Variants in FHIT observed in about 807,000 individuals in gnomAD.
FHIT encodes the protein fragile histidine triad diadenosine triphosphatase.
FHIT carries 19 observed loss-of-function variants against 17.9 expected under a neutral mutation model. The ratio of observed to expected loss-of-function variants is 1.06; its 90% CI spans 0.74 to 1.56. The LOEUF is 1.56. FHIT is among the 40% of genes most tolerant of loss of function. The pLI, the probability that FHIT is intolerant of heterozygous loss-of-function variation, is 0.00. For missense variants in FHIT, 248 were observed against 189.2 expected (o/e 1.31, Z -1.82); for synonymous variants, 81 against 69.7 (o/e 1.16, Z -0.81).
intron 3 of FHIT, among the ~76,000 whole-genome samples, chr3:60,923,221 G>A (rs937004938): frequency 2.0e-5 from 3 of 152,178 alleles, no homozygotes; most frequent in African/African-American, 4.8e-5. Context: ...CTCCACAAAC[G>A]TTTAGGGAAG....
intron 5 of FHIT, among the ~76,000 whole-genome samples, chr3:60,055,084 C>T (rs1465408615): frequency 6.6e-6 from 1 of 152,054 alleles, no homozygotes; most frequent in Non-Finnish European, 1.5e-5. Context: ...AAATAAACTA[C>T]CCCCATTCCA....
chr3:60,278,966 T>C (rs1334061308), intron 5 of FHIT, among the ~76,000 whole-genome samples: 1 of 152,080 alleles, frequency 6.6e-6, no homozygotes, highest in East Asian at 1.9e-4. Context: ...TCTAAACTTC[T>C]GTTAGAAACC....
intron 4 of FHIT, among the ~76,000 whole-genome samples, chr3:60,818,509 CAT>C (rs1553738291): frequency 6.6e-6 from 1 of 152,176 alleles, no homozygotes; most frequent in Admixed American, 6.5e-5. Flanking sequence ...AGAATATACA[CAT>C]GACATATACC....
chr3:61,165,324 T>C (rs188934171), intron 2 of FHIT, among the ~76,000 whole-genome samples: 1 of 152,322 alleles, frequency 6.6e-6, no homozygotes, highest in East Asian at 1.9e-4. Flanking sequence ...TTTTTAATAA[T>C]AGCCATTCTG....
intron 5 of FHIT, among the ~76,000 whole-genome samples, chr3:60,097,075 G>T (rs144207752): frequency 3.2e-4 from 47 of 149,180 alleles, no homozygotes; most frequent in African/African-American, 1.1e-3. Flanking sequence ...AAAGAATTAG[G>T]GTCTCCATGT....
At chr3:60,838,786 A>C (rs1553744334) in intron 3 of FHIT, among the ~76,000 whole-genome samples, 1 of 152,152 alleles carries the variant, frequency 6.6e-6, no homozygotes, top group Non-Finnish European at 1.5e-5. Context: ...ACATGTGAAA[A>C]ATAATTACAA....
At chr3:60,327,251 G>A (rs963466747) in intron 5 of FHIT, among the ~76,000 whole-genome samples, 6 of 152,172 alleles carry the variant, frequency 3.9e-5, no homozygotes, top group Non-Finnish European at 7.3e-5. Flanking sequence ...TTTGTTCACT[G>A]CTGTGTCCCC....
intron 3 of FHIT, among the ~76,000 whole-genome samples, chr3:60,977,609 C>T (rs998575620): frequency 1.3e-5 from 2 of 152,124 alleles, no homozygotes; most frequent in African/African-American, 2.4e-5. Context: ...CGGTGGTTCA[C>T]GCCTGTAATC....
intron 3 of FHIT, among the ~76,000 whole-genome samples, chr3:60,910,561 A>G (rs555069624): frequency 1.7e-4 from 26 of 151,862 alleles, no homozygotes; most frequent in East Asian, 9.7e-4. Flanking sequence ...ACAGGCGCCC[A>G]CCACCACGCC....
chr3:60,564,657 A>T (rs762439293), intron 4 of FHIT, among the ~76,000 whole-genome samples: 5 of 152,294 alleles, frequency 3.3e-5, no homozygotes, highest in Non-Finnish European at 7.4e-5. Flanking sequence ...AAAGCAGGAA[A>T]ACTAGAATTA....
At chr3:59,919,254 G>C (rs373759592) in intron 8 of FHIT, among the ~76,000 whole-genome samples, 1 of 152,176 alleles carries the variant, frequency 6.6e-6, no homozygotes, top group Non-Finnish European at 1.5e-5. Context: ...CTGTGCTTGA[G>C]TGAATCCAGG....
intron 1 of FHIT, among the ~76,000 whole-genome samples, chr3:61,223,664 A>G (rs2039894905): frequency 6.6e-6 from 1 of 152,158 alleles, no homozygotes; most frequent in African/African-American, 2.4e-5. Flanking sequence ...GGCCTTCCAC[A>G]TTTTGCCAGA....
At chr3:60,289,633 C>T (rs1262508047) in intron 5 of FHIT, among the ~76,000 whole-genome samples, 1 of 152,152 alleles carries the variant, frequency 6.6e-6, no homozygotes, top group Non-Finnish European at 1.5e-5. Flanking sequence ...TTTGAGATTC[C>T]TGTGAACTTA....
At chr3:61,060,365 T>C (rs1483114560) in intron 2 of FHIT, among the ~76,000 whole-genome samples, 1 of 152,190 alleles carries the variant, frequency 6.6e-6, no homozygotes, top group African/African-American at 2.4e-5. Context: ...AAGTAAGGAC[T>C]TACTGTACTT....
intron 5 of FHIT, among the ~76,000 whole-genome samples, chr3:60,493,523 A>G (rs1037250790): frequency 9.8e-5 from 15 of 152,326 alleles, no homozygotes; most frequent in South Asian, 4.1e-4. Flanking sequence ...ATAAGCTGCA[A>G]TGTCAATTTT....
intron 4 of FHIT, among the ~76,000 whole-genome samples, chr3:60,549,155 ATTG>A (rs2036464800): frequency 1.3e-5 from 2 of 152,146 alleles, no homozygotes; most frequent in Non-Finnish European, 2.9e-5. Context: ...ATAAGCTAAT[ATTG>A]TTAAGTTGCT....
intron 8 of FHIT, among the ~76,000 whole-genome samples, chr3:59,786,828 G>A (rs1433197810): frequency 1.3e-5 from 2 of 152,258 alleles, no homozygotes; most frequent in South Asian, 2.1e-4. Flanking sequence ...TACTCCAGCT[G>A]TTCCTGTGGC....
chr3:60,637,332 A>C (rs927556690), intron 4 of FHIT, among the ~76,000 whole-genome samples: 4 of 152,104 alleles, frequency 2.6e-5, no homozygotes, highest in Non-Finnish European at 5.9e-5. Flanking sequence ...TATATTTGCC[A>C]GTTTGTCTTT....
At chr3:60,919,083 A>G (rs576789585) in intron 3 of FHIT, among the ~76,000 whole-genome samples, 2 of 152,188 alleles carry the variant, frequency 1.3e-5, no homozygotes. Context: ...CTTTAAAGTA[A>G]GCAAAGGGGG....
Sources: allele counts gnomAD v4.1 joint callset (sites outside exome capture counted in the v4.1 genomes callset), GRCh38; gene constraint gnomAD v4.1.1; transcripts MANE v1.5; gene names NCBI Gene and HGNC (gene_info 2026-07-23, HGNC 2026-07-21).